The following LRP8 variants were observed in gnomAD, a reference collection of about 807,000 sequenced individuals.
LRP8 encodes LDL receptor related protein 8.
In LRP8, 46 loss-of-function variants were observed where a neutral mutation model predicts 111.6. The ratio of observed to expected loss-of-function variants is 0.41; its 90% CI spans 0.33 to 0.53. The LOEUF (loss-of-function observed/expected upper bound fraction) is 0.53, where lower values mean the gene tolerates loss of function less well. Among genes scored for constraint, LRP8 ranks in the 20% least tolerant of loss-of-function variants. The pLI is 0.20. For missense variants in LRP8, 959 were observed against 1,297.4 expected (o/e 0.74, Z 4.01); for synonymous variants, 464 against 511.2 (o/e 0.91, Z 1.24).
At chr1:53,272,712 G>A in intron 6 of LRP8, 1 of 1,281,176 alleles carries the variant, frequency 7.8e-7, no homozygotes. Context: ...GCCCAGCCCT[G>A]GGAAGCCTCA....
chr1:53,320,024 G>A lies in LRP8; in HGVS notation c.244+6849C>T, dbSNP rs548295803. ...TGACCAGCGGGGCCACCCGGGGCAA[G>A]TGACTTCATCTCTCAGAGTCTTGGT... On this transcript the variant is annotated intron_variant, in intron 2 of 18. Transcript: ENST00000306052. 4.6e-5 allele frequency among the ~76,000 whole-genome samples: 7 copies of A among 152,398 alleles called. No homozygotes were observed. The South Asian group carries it at 1.4e-3, about 32-fold the overall frequency.
Position 53,246,860 on chromosome 1 carries a change from TG to T in LRP8, c.*157del. 1.6e-6 allele frequency: 1 copy of T among 619,518 alleles called. No individual in the cohort carries two copies. 38.4% of individuals were successfully genotyped at this position (619,518 alleles called of 1,614,324 possible). A position where few individuals can be genotyped will look rare whatever the true frequency, so the allele number is the denominator to read the frequency against. ...ATGTTTGCAGTTCATCATAACTTTG[TG>T]GTTACCTTTCCGCAACATAAATTTA... On this transcript the variant is annotated 3_prime_UTR_variant, in exon 19 of 19. Transcript: ENST00000306052.
chr1:53,266,395 C>T lies in LRP8; in HGVS notation c.1427+78G>A. ...TCCTGAGGAGCTCTAGAGGCAGACA[C>T]CACTCCTCCCCTCCTCACCTGTCAC... On this transcript the variant is annotated intron_variant, in intron 9 of 18. Transcript: ENST00000306052. The surrounding 1 kb of genome is among the most constrained non-coding windows in gnomAD (Gnocchi z 5.0). 6.8e-7 allele frequency: 1 copy of T among 1,480,296 alleles called. No homozygotes were observed. The allele number at this position is 1,480,296 out of a possible 1,614,324, so 91.7% of individuals were successfully genotyped here.
At chr1:53,314,166 G>C (rs1653483599) in intron 2 of LRP8, among the ~76,000 whole-genome samples, 1 of 152,206 alleles carries the variant, frequency 6.6e-6, no homozygotes, top group South Asian at 2.1e-4. Context: ...CAGCCCCCCA[G>C]TGCTATGTGC....
At chr1:53,286,745 C>T (rs1395021948) in intron 3 of LRP8, among the ~76,000 whole-genome samples, 1 of 152,246 alleles carries the variant, frequency 6.6e-6, no homozygotes, top group East Asian at 1.9e-4. Context: ...TCTCAAATCC[C>T]TTTCCCGCTC....
At chr1:53,247,114 G>C in intron 18 of LRP8, 58 bp from the exon 19 acceptor site, 1 of 1,387,784 alleles carries the variant, frequency 7.2e-7, no homozygotes, top group East Asian at 2.5e-5. Flanking sequence ...TATTTATTTA[G>C]TATTGACAAA....
chr1:53,283,565 T>C (rs1217277680), intron 3 of LRP8, among the ~76,000 whole-genome samples: 5 of 99,568 alleles, frequency 5.0e-5, no homozygotes, highest in African/African-American at 1.8e-4. Context: ...ACTTACTACA[T>C]ACCCGGGCCA....
chr1:53,281,313 G>A (rs180795611), intron 3 of LRP8, among the ~76,000 whole-genome samples: 18 of 152,350 alleles, frequency 1.2e-4, no homozygotes, highest in African/African-American at 4.3e-4. Context: ...TACTGCAGCC[G>A]CAATCAGAGG....
chr1:53,311,427 C>T (rs1652972165), intron 2 of LRP8, among the ~76,000 whole-genome samples: 1 of 152,134 alleles, frequency 6.6e-6, no homozygotes, highest in Non-Finnish European at 1.5e-5. Context: ...CCAGCTGCTT[C>T]CCCTCCCCAC....
At position 53,266,599 on chromosome 1, in the gene LRP8, C is replaced by T. The variant is rs764520692; in HGVS notation, c.1301G>A (p.Arg434Lys). The T allele has an allele frequency of 6.2e-7, 1 of 1,614,204 alleles. No individual in the cohort carries two copies. The highest frequency in any genetic ancestry group is 8.5e-7 in the Non-Finnish European group (1 of 1,180,042). ...ATAGTTCCGCTTCACCAGGTCGATC[C>T]TCCGCACCTCGTGCCGGTTGGTGAA... ...LIFTNRHEVR[R>K]IDLVKRNYSR... The change falls in exon 9 of 19, where the codon AGG (arginine) becomes AAG (lysine). Residue 434 changes from arginine (R) to lysine (K), a missense_variant. Coordinates refer to ENST00000306052, the MANE Select transcript of LRP8 (RefSeq NM_004631.5). The surrounding 1 kb of genome is among the most constrained non-coding windows in gnomAD (Gnocchi z 5.0).
At chr1:53,311,857 C>T (rs1653061604) in intron 2 of LRP8, among the ~76,000 whole-genome samples, 1 of 152,206 alleles carries the variant, frequency 6.6e-6, no homozygotes, top group Admixed American at 6.5e-5. Flanking sequence ...GGCTCAGTGT[C>T]CCCATCTGTA....
intron 4 of LRP8, 132 bp downstream of exon 4, chr1:53,280,455 C>T: frequency 8.6e-7 from 1 of 1,158,376 alleles, no homozygotes; most frequent in East Asian, 2.6e-5. Flanking sequence ...TTACTAGTGT[C>T]CTGATCGTTA....
chr1:53,265,489 C>T (rs1353007340), intron 9 of LRP8, among the ~76,000 whole-genome samples: 1 of 152,184 alleles, frequency 6.6e-6, no homozygotes, highest in African/African-American at 2.4e-5. Context: ...ATGAAACCTC[C>T]CAAGCCAAAA....
At chr1:53,312,078 C>T (rs1653104419) in intron 2 of LRP8, among the ~76,000 whole-genome samples, 1 of 152,188 alleles carries the variant, frequency 6.6e-6, no homozygotes, top group Non-Finnish European at 1.5e-5. Context: ...AGACAGACAG[C>T]CACATGCCTG....
intron 2 of LRP8, among the ~76,000 whole-genome samples, chr1:53,298,026 C>A (rs913752289): frequency 6.6e-6 from 1 of 152,190 alleles, no homozygotes; most frequent in African/African-American, 2.4e-5. Context: ...AGGGCCCCCT[C>A]CAGCTGACCT....
At position 53,250,450 on chromosome 1, in the gene LRP8, G is replaced by A. The variant is rs1451719806; in HGVS notation, c.2676+240C>T. Among the ~76,000 whole-genome samples, 6 of 151,154 alleles carry A rather than the reference G, an allele frequency of 4.0e-5. No homozygotes were observed. The highest frequency in any genetic ancestry group is 9.7e-5 in the African/African-American group (4 of 41,134). On this transcript the variant is annotated intron_variant, in intron 17 of 18. Transcript: ENST00000306052. The surrounding 1 kb of genome is among the most constrained non-coding windows in gnomAD (Gnocchi z 4.6). Reference sequence around the variant, plus strand: ...TAGAACAGTGCCTGATACATGGTGCGTTTTTGATAAATGTTTGAGGAAGGA... The same window carrying A: ...TAGAACAGTGCCTGATACATGGTGCATTTTTGATAAATGTTTGAGGAAGGA...
chr1:53,276,672 G>C lies in LRP8; in HGVS notation c.883+20C>G. 6.6e-7 allele frequency: 1 copy of C among 1,523,312 alleles called. No individual in the cohort carries two copies. The highest frequency in any genetic ancestry group is 1.9e-5 in the Admixed American group (1 of 52,674). 94.4% of individuals were successfully genotyped at this position (1,523,312 alleles called of 1,614,324 possible). ...ATCCGCAATCCCTGGGCGGGGCTGGGCGGTATGGAGGGGGCTTACGGCAGT... is the reference window on the plus strand; with the variant it reads ...ATCCGCAATCCCTGGGCGGGGCTGGCCGGTATGGAGGGGGCTTACGGCAGT... On this transcript the variant is annotated intron_variant, in intron 5 of 18. Coordinates refer to ENST00000306052, the MANE Select transcript of LRP8 (RefSeq NM_004631.5).
In LRP8 at chr1:53,262,458, C is replaced by T. The variant is rs773368152; in HGVS notation, c.1762G>A (p.Gly588Arg). The change falls in exon 11 of 19, where the codon GGA becomes AGA. Residue 588 changes from glycine to arginine, a missense_variant. By Grantham distance (125) the Gly-to-Arg change is moderately radical. This residue lies in a region of LRP8 where 819 missense variants were observed against 1,097.6 expected (regional missense o/e 0.75). Coordinates refer to ENST00000306052, the MANE Select transcript of LRP8 (RefSeq NM_004631.5). The surrounding 1 kb of genome is among the most constrained non-coding windows in gnomAD (Gnocchi z 4.8). ...LVSDNIEWPNGITLDLLSQRL... is the reference protein window; with the variant it reads ...LVSDNIEWPNRITLDLLSQRL... Reference sequence around the variant, plus strand: ...AGGCAGGGCTCACCCAGGGTGATTCCGTTGGGCCATTCAATATTGTCTGAC... The same window carrying T: ...AGGCAGGGCTCACCCAGGGTGATTCTGTTGGGCCATTCAATATTGTCTGAC... 6 of 1,614,082 alleles carry T rather than the reference C, an allele frequency of 3.7e-6. No individual in the cohort carries two copies. The highest frequency in any genetic ancestry group is 1.7e-5 in the Admixed American group (1 of 60,026).
intron 2 of LRP8, among the ~76,000 whole-genome samples, chr1:53,318,926 C>T (rs577158062): frequency 2.0e-5 from 3 of 151,868 alleles, no homozygotes; most frequent in East Asian, 1.9e-4. Context: ...GGTGTGATCT[C>T]GGCTCACTGC....
Sources: allele counts gnomAD v4.1 joint callset (sites outside exome capture counted in the v4.1 genomes callset), GRCh38; gene constraint gnomAD v4.1.1; regional missense constraint gnomAD v4.1.1; non-coding constraint Gnocchi (gnomAD v3.1); transcripts MANE v1.5; gene names NCBI Gene and HGNC (gene_info 2026-07-23, HGNC 2026-07-21).